Variants in FLNB observed in about 807,000 individuals in gnomAD.
The protein encoded by FLNB is filamin B.
A neutral mutation model predicts 250.6 loss-of-function variants in FLNB; 111 were observed. The ratio of observed to expected loss-of-function variants is 0.44; its 90% confidence interval spans 0.38 to 0.52. The LOEUF (loss-of-function observed/expected upper bound fraction) is 0.52, where lower values mean the gene tolerates loss of function less well. FLNB is among the 20% of genes least tolerant of loss of function. The pLI, the probability that FLNB is intolerant of heterozygous loss-of-function variation, is 0.00. For synonymous variants in FLNB, 1,302 were observed against 1,372.1 expected, an observed-to-expected ratio of 0.95 and a Z score of 1.13; for missense variants, 2,869 against 3,447.8, an observed-to-expected ratio of 0.83 and a Z score of 4.20.
intron 33 of FLNB, 105 bp from the exon 34 acceptor site, chr3:58,146,715 A>G: frequency 8.3e-7 from 1 of 1,208,258 alleles, no homozygotes; most frequent in Non-Finnish European, 1.2e-6. Context: ...GCGTCAATCC[A>G]TTGTCCCCAG....
intron 28 of FLNB, 76 bp downstream of exon 28, chr3:58,136,244 CT>C: frequency 6.9e-7 from 1 of 1,451,724 alleles, no homozygotes; most frequent in African/African-American, 1.4e-5. Flanking sequence ...TTCTCTGTGA[CT>C]TACAAGCTAC....
chr3:58,155,950 GT>G lies in FLNB; in HGVS notation c.6773-9del. 6.3e-7 allele frequency: 1 copy of G among 1,579,840 alleles called. No individual in the cohort carries two copies. Among genetic ancestry groups the G allele is most frequent in the Non-Finnish European group, 8.7e-7 (1 of 1,148,754 alleles). On this transcript the variant is annotated splice_polypyrimidine_tract_variant and intron_variant, in intron 40 of 45. Transcript: ENST00000295956. ...GTCTCTGAAATGATGGGACTTTCCT[GT>G]CCTCATAGGTAACTACGAGGTGTCC...
At chr3:58,068,152 C>G (rs1355753158) in intron 1 of FLNB, among the ~76,000 whole-genome samples, 2 of 152,222 alleles carry the variant, frequency 1.3e-5, no homozygotes, top group African/African-American at 4.8e-5. Context: ...ATTTGAAAGA[C>G]AGGCACAGCA....
intron 43 of FLNB, among the ~76,000 whole-genome samples, chr3:58,166,624 C>T (rs2097371020): frequency 6.6e-6 from 1 of 151,968 alleles, no homozygotes; most frequent in South Asian, 2.1e-4. Flanking sequence ...AGTTTGAGAC[C>T]AGCCCAGGCA....
At chr3:58,121,652 G>A in intron 20 of FLNB, 149 bp downstream of exon 20, 1 of 971,282 alleles carries the variant, frequency 1.0e-6, no homozygotes, top group African/African-American at 1.6e-5. Context: ...CCCTGGGTAG[G>A]TGGGTCACAA....
chr3:58,030,535 G>A (rs141332352), intron 1 of FLNB, among the ~76,000 whole-genome samples: 33 of 152,130 alleles, frequency 2.2e-4, no homozygotes, highest in Non-Finnish European at 3.8e-4. Flanking sequence ...TTCTTTTGAG[G>A]CCCATGGGTC....
chr3:58,064,255 C>G (rs930753376), intron 1 of FLNB, among the ~76,000 whole-genome samples: 6 of 152,184 alleles, frequency 3.9e-5, no homozygotes, highest in African/African-American at 1.4e-4. Flanking sequence ...ATTCTCCTGC[C>G]TCAGCCTCCC....
intron 1 of FLNB, among the ~76,000 whole-genome samples, chr3:58,010,256 A>C (rs2097096607): frequency 1.3e-5 from 2 of 152,114 alleles, no homozygotes; most frequent in Admixed American, 1.3e-4. Flanking sequence ...TAGTGACCCT[A>C]GTGACAGGAA....
chr3:58,106,993 G>T, intron 12 of FLNB, 120 bp downstream of exon 12: 1 of 776,072 alleles, frequency 1.3e-6, no homozygotes. Flanking sequence ...TTGGATTTTA[G>T]GAAGGAAACA....
At chr3:58,095,574 A>G (rs1348659596) in intron 5 of FLNB, among the ~76,000 whole-genome samples, 1 of 152,084 alleles carries the variant, frequency 6.6e-6, no homozygotes, top group East Asian at 1.9e-4. Context: ...GGTTTTATAT[A>G]CTGATGGCCA....
intron 1 of FLNB, among the ~76,000 whole-genome samples, chr3:58,027,322 CTTT>C (rs5849231): frequency 1.4e-5 from 2 of 147,122 alleles, no homozygotes; most frequent in African/African-American, 2.5e-5. Flanking sequence ...CCAGCTAATT[CTTT>C]TTTTTTTTTT....
intron 6 of FLNB, 88 bp downstream of exon 6, chr3:58,096,306 T>G: frequency 1.1e-6 from 1 of 946,520 alleles, no homozygotes; most frequent in South Asian, 1.4e-5. Context: ...TTTTCTTAAG[T>G]GAATTTCTGA....
At chr3:58,016,243 T>C (rs1180831219) in intron 1 of FLNB, among the ~76,000 whole-genome samples, 2 of 151,884 alleles carry the variant, frequency 1.3e-5, no homozygotes, top group East Asian at 1.9e-4. Context: ...TTAGTAGATA[T>C]GGTGTTTCAC....
At position 58,076,637 on chromosome 3, in the gene FLNB, T is replaced by A. The variant is rs561465922; in HGVS notation, c.293-409T>A. Among the ~76,000 whole-genome samples, 3 of 151,718 alleles carry A rather than the reference T, an allele frequency of 2.0e-5. No homozygotes were observed. In the East Asian group the frequency reaches 5.8e-4, roughly 29 times the overall value. ...GCTCGGCTAATTTTTTTTTTTTTTT[T>A]GGGTAGAGAGGGAGTTTTGCCATGT... On this transcript the variant is annotated intron_variant, in intron 1 of 45. Coordinates refer to ENST00000295956, the MANE Select transcript of FLNB (RefSeq NM_001457.4).
At chr3:58,124,294 G>T (rs1446438432) in intron 21 of FLNB, 38 bp from the exon 22 acceptor site, 2 of 1,612,728 alleles carry the variant, frequency 1.2e-6, no homozygotes, top group South Asian at 2.2e-5. Context: ...TGGGTCTGGG[G>T]TACTGGTGGC....
chr3:58,152,622 A>G (rs1388487100), intron 38 of FLNB: 4 of 469,512 alleles, frequency 8.5e-6, no homozygotes, highest in Non-Finnish European at 6.9e-6. Context: ...TAGGGTTTCA[A>G]TATTTGAATT....
At chr3:58,150,315 C>A in intron 38 of FLNB, 88 bp downstream of exon 38, 1 of 1,463,906 alleles carries the variant, frequency 6.8e-7, no homozygotes, top group East Asian at 2.3e-5. Context: ...TTAGGCATGG[C>A]CCAGAACACA....
chr3:58,067,571 G>GT (rs2097187480), intron 1 of FLNB, among the ~76,000 whole-genome samples: 1 of 115,884 alleles, frequency 8.6e-6, no homozygotes, highest in Non-Finnish European at 1.8e-5. Context: ...GTAACAAAGA[G>GT]GTTTTTTTTG....
At chr3:58,113,837 C>T (rs1364835323) in intron 18 of FLNB, among the ~76,000 whole-genome samples, 1 of 152,090 alleles carries the variant, frequency 6.6e-6, no homozygotes, top group East Asian at 1.9e-4. Flanking sequence ...TGCCACCACA[C>T]CTGGCTAATT....
Sources: allele counts gnomAD v4.1 joint callset (sites outside exome capture counted in the v4.1 genomes callset), GRCh38; gene constraint gnomAD v4.1.1; transcripts MANE v1.5; gene names NCBI Gene and HGNC (gene_info 2026-07-23, HGNC 2026-07-21).